Variants in LRRC4C observed in about 807,000 individuals in gnomAD.
The protein encoded by LRRC4C is leucine-rich repeat-containing protein 4C.
LRRC4C carries 5 observed loss-of-function variants against 33.6 expected under a neutral mutation model. The ratio of observed to expected loss-of-function variants is 0.15; its 90% CI spans 0.08 to 0.31. The LOEUF (loss-of-function observed/expected upper bound fraction) is 0.31, where lower values mean the gene tolerates loss of function less well. Ranked by LOEUF, LRRC4C falls within the 10% of genes least tolerant of loss-of-function variation. The pLI is 1.00. For synonymous variants in LRRC4C, 329 were observed against 302.0 expected (o/e 1.09, Z -0.93); for missense variants, 560 against 796.7 (o/e 0.70, Z 3.58).
chr11:40,969,462 C>CAAAAA (rs35793654), intron 1 of LRRC4C, among the ~76,000 whole-genome samples: 5 of 143,286 alleles, frequency 3.5e-5, no homozygotes, highest in Non-Finnish European at 7.6e-5. Context: ...TCTTACACTA[C>CAAAAA]AAAAAAAAAA....
chr11:40,412,229 G>A (rs1950180560), intron 3 of LRRC4C, among the ~76,000 whole-genome samples: 1 of 151,808 alleles, frequency 6.6e-6, no homozygotes, highest in Non-Finnish European at 1.5e-5. Context: ...TAACAACAAT[G>A]GTACATAATA....
intron 1 of LRRC4C, among the ~76,000 whole-genome samples, chr11:40,974,156 A>G (rs1851919715): frequency 1.3e-5 from 2 of 152,148 alleles, no homozygotes; most frequent in African/African-American, 4.8e-5. Flanking sequence ...GTAATTTGAG[A>G]GTCTTTTCTT....
At chr11:40,325,167 A>G (rs1946037646) in intron 3 of LRRC4C, among the ~76,000 whole-genome samples, 1 of 152,220 alleles carries the variant, frequency 6.6e-6, no homozygotes. Flanking sequence ...GAAAAGCCTT[A>G]GGAAACATAT....
At chr11:40,789,374 C>T (rs1950542588) in intron 2 of LRRC4C, among the ~76,000 whole-genome samples, 1 of 152,092 alleles carries the variant, frequency 6.6e-6, no homozygotes, top group Non-Finnish European at 1.5e-5. Flanking sequence ...TAGTCGATTG[C>T]ACATCTATAC....
In LRRC4C at chr11:40,781,200, A is replaced by C. The variant is rs140096888; in HGVS notation, c.-406-132922T>G. On this transcript the variant is annotated intron_variant, in intron 2 of 6. Transcript: ENST00000528697. ...TGTGTATCTAAATGTATCTAAACAT[A>C]GAAAAGGTACAGTAAAATCAGGGTA... 2.7e-3 allele frequency among the ~76,000 whole-genome samples: 417 copies of C among 152,308 alleles called. 2 individuals are homozygous for C. Among genetic ancestry groups the C allele is most frequent in the African/African-American group, 9.8e-3 (406 of 41,570 alleles).
intron 1 of LRRC4C, among the ~76,000 whole-genome samples, chr11:41,049,744 C>T (rs886813588): frequency 2.0e-5 from 3 of 152,140 alleles, no homozygotes; most frequent in Admixed American, 2.0e-4. Flanking sequence ...TGGTAGAATA[C>T]TTATGTGGCT....
chr11:40,618,937 T>C (rs1962155094), intron 3 of LRRC4C, among the ~76,000 whole-genome samples: 1 of 151,798 alleles, frequency 6.6e-6, no homozygotes. Flanking sequence ...TCATTAAATA[T>C]AGAGGTTGAA....
At position 41,325,577 on chromosome 11, in the gene LRRC4C, T is replaced by TTTGTGTG. The variant is rs202169756; in HGVS notation, c.-496+133853_-496+133854insCACACAA. Among the ~76,000 whole-genome samples the TTTGTGTG allele has an allele frequency of 1.1e-3, 118 of 104,144 alleles. 1 individual carries two copies. The highest frequency in any genetic ancestry group is 5.1e-3 in the Admixed American group (49 of 9,672). The allele number at this position is 104,144 out of a possible 152,430, so 68.3% of individuals were successfully genotyped here. A position where few individuals can be genotyped will look rare whatever the true frequency, so the allele number is the denominator to read the frequency against. On this transcript the variant is annotated intron_variant, in intron 1 of 6. Transcript: ENST00000528697. ...TTATTGTCCTTATAGTTTTTTTTTT[T>TTTGTGTG]TGTGTGTGTGTGTGTGTGTGTGTGT...
At chr11:40,583,937 C>T (rs2135671797) in intron 3 of LRRC4C, among the ~76,000 whole-genome samples, 1 of 151,532 alleles carries the variant, frequency 6.6e-6, no homozygotes, top group South Asian at 2.1e-4. Flanking sequence ...CAAGTTTGCT[C>T]ATGAGGAGCA....
intron 1 of LRRC4C, among the ~76,000 whole-genome samples, chr11:41,048,990 A>T (rs1042926900): frequency 1.3e-5 from 2 of 152,222 alleles, no homozygotes; most frequent in African/African-American, 4.8e-5. Flanking sequence ...AATGAGTTTG[A>T]AGAGTTAGGC....
intron 1 of LRRC4C, among the ~76,000 whole-genome samples, chr11:41,377,347 G>C (rs1003703172): frequency 6.6e-6 from 1 of 152,112 alleles, no homozygotes; most frequent in East Asian, 1.9e-4. Flanking sequence ...GCTAACATGA[G>C]GTTGTCTTTC....
intron 1 of LRRC4C, among the ~76,000 whole-genome samples, chr11:41,300,383 G>A (rs1262180573): frequency 6.6e-6 from 1 of 151,978 alleles, no homozygotes; most frequent in East Asian, 1.9e-4. Context: ...TGGGCCTACT[G>A]TGTTTTCTTT....
At chr11:40,257,620 A>G (rs1867317696) in intron 4 of LRRC4C, among the ~76,000 whole-genome samples, 1 of 152,158 alleles carries the variant, frequency 6.6e-6, no homozygotes. Context: ...TTGGACATAT[A>G]TTTCCAGCCA....
At chr11:41,410,295 G>A (rs1954414265) in intron 1 of LRRC4C, among the ~76,000 whole-genome samples, 2 of 151,970 alleles carry the variant, frequency 1.3e-5, no homozygotes, top group Non-Finnish European at 2.9e-5. Flanking sequence ...CATTTCTTCT[G>A]AAATCATTTT....
chr11:40,254,336 C>T (rs926179479), intron 4 of LRRC4C, among the ~76,000 whole-genome samples: 1 of 152,172 alleles, frequency 6.6e-6, no homozygotes, highest in African/African-American at 2.4e-5. Context: ...TGAGGGAACT[C>T]AGGATCTGAA....
intron 2 of LRRC4C, among the ~76,000 whole-genome samples, chr11:40,803,166 A>C (rs1186106192): frequency 6.6e-6 from 1 of 152,206 alleles, no homozygotes; most frequent in African/African-American, 2.4e-5. Context: ...ACTGTTGAAA[A>C]CAGGCTACAT....
intron 1 of LRRC4C, among the ~76,000 whole-genome samples, chr11:41,146,187 A>C (rs529839612): frequency 6.6e-6 from 1 of 152,318 alleles, no homozygotes; most frequent in Non-Finnish European, 1.5e-5. Flanking sequence ...ATATTCATTA[A>C]ATGAATGAAT....
At chr11:40,608,323 A>T (rs566851792) in intron 3 of LRRC4C, among the ~76,000 whole-genome samples, 1 of 152,208 alleles carries the variant, frequency 6.6e-6, no homozygotes, top group East Asian at 1.9e-4. Context: ...ATATATTGTC[A>T]TTACTATAAG....
intron 1 of LRRC4C, among the ~76,000 whole-genome samples, chr11:41,294,737 T>TA (rs1161570199): frequency 6.6e-6 from 1 of 152,190 alleles, no homozygotes; most frequent in Non-Finnish European, 1.5e-5. Context: ...GTTTTACAAG[T>TA]TTCATAATGT....
Sources: gnomAD v4.1 joint callset for allele counts (sites outside exome capture counted in the v4.1 genomes callset) on GRCh38, gnomAD v4.1.1 for gene constraint, MANE v1.5 for transcripts, NCBI Gene and HGNC (gene_info 2026-07-23, HGNC 2026-07-21) for gene names.